Variants in ASTN1 observed in about 807,000 individuals in gnomAD.
ASTN1 encodes astrotactin 1, also known as astrotactin-1.
A neutral mutation model predicts 140.7 loss-of-function variants in ASTN1; 41 were observed. That is an observed-to-expected ratio of 0.29 (90% confidence interval 0.23 to 0.38). The LOEUF is 0.38. Among genes scored for constraint, ASTN1 ranks in the 10% least tolerant of loss-of-function variants. ASTN1 has a pLI of 1.00. For missense variants in ASTN1, 1,479 were observed against 1,678.8 expected (o/e 0.88, Z 2.08); for synonymous variants, 640 against 652.2 (o/e 0.98, Z 0.29).
rs3979531 is a variant in ASTN1 at position 177,044,176 on chromosome 1, TACACACAC to T, written c.472-11335_472-11328del. ...TAATTTTAAGAAATGAAAAAAAAAA[TACACACAC>T]ACACACACACACACACACATACACA... On this transcript the variant is annotated intron_variant, in intron 2 of 22. Coordinates refer to ENST00000361833, the MANE Select transcript of ASTN1 (RefSeq NM_004319.3). Among the ~76,000 whole-genome samples, 15 of 143,316 alleles carry T rather than the reference TACACACAC, an allele frequency of 1.0e-4. 1 individual carries two copies. The highest frequency in any genetic ancestry group is 1.0e-3 in the Admixed American group (15 of 14,436). 94.0% of individuals were successfully genotyped at this position (143,316 alleles called of 152,430 possible). A position where few individuals can be genotyped will look rare whatever the true frequency, so the allele number is the denominator to read the frequency against.
At chr1:177,006,419 T>C (rs1005793527) in intron 8 of ASTN1, among the ~76,000 whole-genome samples, 2 of 149,534 alleles carry the variant, frequency 1.3e-5, no homozygotes, top group African/African-American at 4.9e-5. Flanking sequence ...AAAAAAAAGA[T>C]AAATAGCCAA....
intron 9 of ASTN1, among the ~76,000 whole-genome samples, chr1:176,964,475 C>T (rs1672790452): frequency 6.6e-6 from 1 of 152,186 alleles, no homozygotes; most frequent in Non-Finnish European, 1.5e-5. Context: ...TGGAAATAAA[C>T]TGTTTCAGCT....
intron 1 of ASTN1, among the ~76,000 whole-genome samples, chr1:177,136,235 G>GC (rs1481201983): frequency 1.3e-5 from 2 of 152,184 alleles, no homozygotes; most frequent in African/African-American, 2.4e-5. Flanking sequence ...CAGCTGGATT[G>GC]CCTTAGGGTC....
chr1:177,037,206 C>A (rs114376035), intron 2 of ASTN1, among the ~76,000 whole-genome samples: 2 of 152,180 alleles, frequency 1.3e-5, no homozygotes, highest in Non-Finnish European at 2.9e-5. Context: ...ATTTTCCTTT[C>A]AAAGAGTCTA....
intron 16 of ASTN1, among the ~76,000 whole-genome samples, chr1:176,905,543 T>G (rs2103052720): frequency 6.6e-6 from 1 of 152,348 alleles, no homozygotes; most frequent in South Asian, 2.1e-4. Flanking sequence ...ACCAATTTAT[T>G]CTGCAAATTA....
At chr1:176,982,488 C>T (rs962498761) in intron 8 of ASTN1, among the ~76,000 whole-genome samples, 2 of 152,130 alleles carry the variant, frequency 1.3e-5, no homozygotes, top group African/African-American at 4.8e-5. Flanking sequence ...TTCAGTAGGT[C>T]TGGGGTGGGC....
Position 176,861,343 on chromosome 1 carries a change from C to T in ASTN1, c.*2941G>A, listed in dbSNP as rs1009738558. On this transcript the variant is annotated 3_prime_UTR_variant, in exon 23 of 23. Transcript: ENST00000361833. ...AAAGTCTAATGCTATTACAGTGGTT[C>T]ATGTACATTCAAGAGGAAACTCCAG... 9.1e-6 allele frequency: 9 copies of T among 985,690 alleles called. No homozygotes were observed. The African/African-American group carries it at 1.4e-4, about 15-fold the overall frequency. 61.1% of individuals were successfully genotyped at this position (985,690 alleles called of 1,614,324 possible). A position where few individuals can be genotyped will look rare whatever the true frequency, so the allele number is the denominator to read the frequency against.
chr1:176,897,041 C>G, intron 16 of ASTN1, among the ~76,000 whole-genome samples: 1 of 152,114 alleles, frequency 6.6e-6, no homozygotes. Flanking sequence ...CTTTGGGAGG[C>G]CAAGGCGGGT....
At chr1:177,016,313 TA>T (rs35104433) in intron 7 of ASTN1, among the ~76,000 whole-genome samples, 23,208 of 126,992 alleles carry the variant, frequency 0.18, 1,918 homozygotes, top group East Asian at 0.22. Context: ...TCTTCATTTG[TA>T]AAAAAAAAAA....
intron 11 of ASTN1, among the ~76,000 whole-genome samples, chr1:176,951,592 T>C (rs1430702101): frequency 1.3e-5 from 2 of 152,210 alleles, no homozygotes; most frequent in African/African-American, 4.8e-5. Flanking sequence ...AACCACCCGC[T>C]TTTTTCAGAG....
At chr1:177,056,650 T>C (rs1201248067) in intron 2 of ASTN1, among the ~76,000 whole-genome samples, 3 of 151,800 alleles carry the variant, frequency 2.0e-5, no homozygotes, top group East Asian at 1.9e-4. Flanking sequence ...AACCAATCCA[T>C]ATGCATATAG....
chr1:176,974,824 T>C (rs1673294304), intron 8 of ASTN1, among the ~76,000 whole-genome samples: 1 of 152,234 alleles, frequency 6.6e-6, no homozygotes, highest in Non-Finnish European at 1.5e-5. Context: ...AATACACATA[T>C]ACACACATGT....
At chr1:177,006,164 AC>A (rs1323210480) in intron 8 of ASTN1, among the ~76,000 whole-genome samples, 7 of 152,154 alleles carry the variant, frequency 4.6e-5, no homozygotes, top group Non-Finnish European at 8.8e-5. Flanking sequence ...TAAGAATAAC[AC>A]CCTCAAGGAA....
chr1:176,936,492 T>C (rs1671453967), intron 14 of ASTN1, 122 bp from the exon 15 acceptor site: 2 of 740,828 alleles, frequency 2.7e-6, no homozygotes, highest in Non-Finnish European at 4.4e-6. Flanking sequence ...AAATGTTCTT[T>C]GATGAAGAGA....
At chr1:177,000,522 A>G (rs922177452) in intron 8 of ASTN1, among the ~76,000 whole-genome samples, 5 of 152,212 alleles carry the variant, frequency 3.3e-5, no homozygotes, top group Admixed American at 2.0e-4. Context: ...TATCTGAGAC[A>G]TTAACATGTA....
intron 1 of ASTN1, among the ~76,000 whole-genome samples, chr1:177,073,822 GATAAC>G (rs1303283867): frequency 6.6e-6 from 1 of 151,322 alleles, no homozygotes; most frequent in East Asian, 1.9e-4. Flanking sequence ...AAAAAATGGA[GATAAC>G]ACAAACATCT....
intron 1 of ASTN1, among the ~76,000 whole-genome samples, chr1:177,110,989 C>A (rs146377003): frequency 4.6e-5 from 7 of 152,292 alleles, no homozygotes; most frequent in South Asian, 2.1e-4. Flanking sequence ...ATCAAACAAG[C>A]AAAGTGAAAT....
chr1:177,145,065 T>C (rs1331102735), intron 1 of ASTN1, among the ~76,000 whole-genome samples: 1 of 152,160 alleles, frequency 6.6e-6, no homozygotes, highest in East Asian at 1.9e-4. Flanking sequence ...CAGGATTGCC[T>C]AGCCCAGCAA....
intron 18 of ASTN1, among the ~76,000 whole-genome samples, chr1:176,884,973 T>A (rs1408002362): frequency 6.6e-6 from 1 of 152,254 alleles, no homozygotes; most frequent in Non-Finnish European, 1.5e-5. Flanking sequence ...GGATCTGCCG[T>A]GCTGGTGGGG....
Sources: gnomAD v4.1 joint callset for allele counts (sites outside exome capture counted in the v4.1 genomes callset) on GRCh38, gnomAD v4.1.1 for gene constraint, MANE v1.5 for transcripts, NCBI Gene and HGNC (gene_info 2026-07-23, HGNC 2026-07-21) for gene names.